VSTM1: variants seen among roughly 807,000 people sequenced by gnomAD.
The protein encoded by VSTM1 is V-set and transmembrane domain containing 1, also known as V-set and transmembrane domain-containing protein 1.
Under a neutral mutation model 33.1 loss-of-function variants are expected in VSTM1, and 27 were observed. The observed-to-expected ratio is 0.82, with a 90% CI of 0.60 to 1.12. The LOEUF (loss-of-function observed/expected upper bound fraction) is 1.12. Ranked by LOEUF, VSTM1 falls within the 50% of genes most tolerant of loss-of-function variation. The probability of loss-of-function intolerance (pLI) is 0.00; values close to 1 mark genes in which losing one functional copy is unlikely to be tolerated. For synonymous variants in VSTM1, 115 were observed against 110.3 expected (o/e 1.04, Z -0.27); for missense variants, 304 against 288.9 (o/e 1.05, Z -0.38).
intron 4 of VSTM1, among the ~76,000 whole-genome samples, chr19:54,042,689 A>G (rs898942345): frequency 2.0e-5 from 3 of 150,654 alleles, no homozygotes; most frequent in Non-Finnish European, 4.4e-5. Flanking sequence ...CATAGCAATG[A>G]TATTGATCAT....
At chr19:54,054,883 G>A (rs1257563826) in intron 3 of VSTM1, among the ~76,000 whole-genome samples, 1 of 132,526 alleles carries the variant, frequency 7.5e-6, no homozygotes, top group African/African-American at 2.8e-5. Context: ...ATGGATGGAT[G>A]AGTTGATGGA....
At chr19:54,042,509 A>G in intron 4 of VSTM1, 140 bp from the exon 5 acceptor site, 1 of 1,291,330 alleles carries the variant, frequency 7.7e-7, no homozygotes, top group Non-Finnish European at 1.0e-6. Flanking sequence ...GGAACTTCCT[A>G]TTGCTTTGGG....
chr19:54,062,720 TC>T (rs1482537033), intron 1 of VSTM1, among the ~76,000 whole-genome samples: 3 of 42,760 alleles, frequency 7.0e-5, no homozygotes, highest in South Asian at 6.9e-4. Flanking sequence ...CAAGACTCTG[TC>T]AAAAAAAAAA....
intron 5 of VSTM1, 40 bp from the exon 6 acceptor site, chr19:54,042,236 C>T (rs1391130316): frequency 1.2e-6 from 2 of 1,613,858 alleles, no homozygotes; most frequent in Admixed American, 1.7e-5. Context: ...CCGAGAAAAT[C>T]CTTCACTCCC....
At chr19:54,058,941 A>G (rs1420225165) in intron 1 of VSTM1, among the ~76,000 whole-genome samples, 1 of 148,162 alleles carries the variant, frequency 6.7e-6, no homozygotes, top group South Asian at 2.1e-4. Context: ...AAATATATGT[A>G]TTACATATAT....
chr19:54,052,216 G>T (rs1251118195), intron 3 of VSTM1, among the ~76,000 whole-genome samples: 1 of 149,756 alleles, frequency 6.7e-6, no homozygotes, highest in South Asian at 2.2e-4. Flanking sequence ...GGCTAACATG[G>T]TGAAACCCCG....
chr19:54,059,388 G>T (rs766331135), intron 1 of VSTM1, among the ~76,000 whole-genome samples: 1 of 151,754 alleles, frequency 6.6e-6, no homozygotes, highest in African/African-American at 2.4e-5. Flanking sequence ...GTATTGAATT[G>T]CTTTCATGAG....
Position 54,052,553 on chromosome 19 carries a change from G to T in VSTM1, c.356-1105C>A, listed in dbSNP as rs2070906633. Among the ~76,000 whole-genome samples the T allele has an allele frequency of 2.1e-5, 3 of 141,634 alleles. No homozygotes were observed. In the South Asian group the frequency reaches 7.0e-4, roughly 33 times the overall value. The allele number at this position is 141,634 out of a possible 152,430, so 92.9% of individuals were successfully genotyped here. ...TGTCTTTCTGAGTCTGGCTTATTTTGTTTAGCATGATATATGCGGAGATGT... is the reference window on the plus strand; with the variant it reads ...TGTCTTTCTGAGTCTGGCTTATTTTTTTTAGCATGATATATGCGGAGATGT... On this transcript the variant is annotated intron_variant, in intron 3 of 8. Coordinates refer to ENST00000338372, the MANE Select transcript of VSTM1 (RefSeq NM_198481.4).
chr19:54,063,843 G>GGGCC lies in VSTM1; in HGVS notation c.-70_-67dup. The GGGCC allele has an allele frequency of 6.3e-7, 1 of 1,579,662 alleles. No individual in the cohort carries two copies. The highest frequency in any genetic ancestry group is 8.6e-7 in the Non-Finnish European group (1 of 1,159,554). On this transcript the variant is annotated 5_prime_UTR_variant, in exon 1 of 9. Coordinates refer to ENST00000338372, the MANE Select transcript of VSTM1 (RefSeq NM_198481.4). ...TACCCTTCAAAGGCGGAGCGGGACT[G>GGGCC]GGCCGGCCGCAGCTCTCCGGCTGCC...
rs1307929654 is a variant in VSTM1, at chr19:54,051,175, C to T, written c.394+235G>A. ...GGTGTGGTGGTGCGTGCCTGTAGTC[C>T]CAGCTATTCGGGAGGCTGAGGCAGG... On this transcript the variant is annotated intron_variant, in intron 4 of 8. Coordinates refer to ENST00000338372, the MANE Select transcript of VSTM1 (RefSeq NM_198481.4). Among the ~76,000 whole-genome samples the T allele has an allele frequency of 2.6e-5, 4 of 151,958 alleles. No individual in the cohort carries two copies. In the South Asian group the frequency reaches 6.2e-4, roughly 24 times the overall value.
At chr19:54,042,439 A>C in intron 4 of VSTM1, 70 bp from the exon 5 acceptor site, 1 of 1,542,826 alleles carries the variant, frequency 6.5e-7, no homozygotes, top group Non-Finnish European at 8.7e-7. Context: ...CGAGCCGAAA[A>C]GCTAAGAGAA....
chr19:54,059,233 G>A (rs1197482806), intron 1 of VSTM1, among the ~76,000 whole-genome samples: 3 of 151,558 alleles, frequency 2.0e-5, no homozygotes, highest in African/African-American at 7.3e-5. Flanking sequence ...GCTAATTTTT[G>A]CATTTTTAGT....
At chr19:54,042,813 TATATATATATATATATATATATATAC>T (rs1273634077) in intron 4 of VSTM1, among the ~76,000 whole-genome samples, 5,328 of 48,328 alleles carry the variant, frequency 0.11, 381 homozygotes, top group African/African-American at 0.25. Flanking sequence ...TGTGTATATA[TATATATATATATATATATATATATAC>T]ATATATATAT....
At chr19:54,046,922 G>A (rs1031325392) in intron 4 of VSTM1, among the ~76,000 whole-genome samples, 4 of 152,086 alleles carry the variant, frequency 2.6e-5, no homozygotes, top group Admixed American at 1.3e-4. Context: ...CAAGCCAGGC[G>A]TGGTGGCTCA....
intron 6 of VSTM1, 46 bp downstream of exon 6, chr19:54,042,123 G>T: frequency 1.9e-6 from 3 of 1,582,564 alleles, no homozygotes; most frequent in Non-Finnish European, 2.6e-6. Context: ...GTTCCCTTGA[G>T]AATGACATGG....
intron 1 of VSTM1, among the ~76,000 whole-genome samples, chr19:54,060,815 C>T (rs2071355703): frequency 4.6e-5 from 7 of 151,980 alleles, no homozygotes; most frequent in Admixed American, 4.6e-4. Context: ...CTCAGCCTCC[C>T]AAATAACTGG....
At chr19:54,048,948 G>A (rs1396239234) in intron 4 of VSTM1, among the ~76,000 whole-genome samples, 1 of 152,136 alleles carries the variant, frequency 6.6e-6, no homozygotes, top group African/African-American at 2.4e-5. Flanking sequence ...GCTAGGCATG[G>A]TGACGGGCGC....
At chr19:54,059,941 G>A (rs564063593) in intron 1 of VSTM1, among the ~76,000 whole-genome samples, 197 of 150,818 alleles carry the variant, frequency 1.3e-3, no homozygotes, top group African/African-American at 4.3e-3. Context: ...TCTGCCTCCC[G>A]GGTTCACGCC....
At chr19:54,042,825 T>TATAC (rs2070379004) in intron 4 of VSTM1, among the ~76,000 whole-genome samples, 1 of 74,420 alleles carries the variant, frequency 1.3e-5, no homozygotes, top group African/African-American at 5.0e-5. Flanking sequence ...TATATATATA[T>TATAC]ATATATATAT....
Sources: allele counts gnomAD v4.1 joint callset (sites outside exome capture counted in the v4.1 genomes callset), GRCh38; gene constraint gnomAD v4.1.1; transcripts MANE v1.5; gene names NCBI Gene and HGNC (gene_info 2026-07-23, HGNC 2026-07-21).